Variants in RAPGEF6 observed in about 807,000 individuals in gnomAD.
The protein encoded by RAPGEF6 is Rap guanine nucleotide exchange factor 6.
Under a neutral mutation model 171.4 loss-of-function variants are expected in RAPGEF6, and 56 were observed. The ratio of observed to expected loss-of-function variants is 0.33; its 90% CI spans 0.26 to 0.41. The LOEUF is 0.41. Ranked by LOEUF, RAPGEF6 falls within the 10% of genes least tolerant of loss-of-function variation. The pLI is 1.00. For synonymous variants in RAPGEF6, 692 were observed against 650.1 expected (o/e 1.06, Z -0.98); for missense variants, 1,674 against 1,921.4 (o/e 0.87, Z 2.41).
intron 3 of RAPGEF6, among the ~76,000 whole-genome samples, chr5:131,600,929 A>G (rs1439528225): frequency 6.6e-6 from 1 of 152,038 alleles, no homozygotes; most frequent in East Asian, 1.9e-4. Context: ...ACAAGTTGAG[A>G]AAGGAATTAC....
At chr5:131,472,505 T>C (rs31241) in intron 17 of RAPGEF6, 82 bp downstream of exon 17, 1,080,908 of 1,474,716 alleles carry the variant, frequency 0.73, 403,356 homozygotes, top group Non-Finnish European at 0.78. Context: ...CAAGTAACTC[T>C]AGCACTTGCT....
rs755182124 is a variant in RAPGEF6, at chr5:131,521,399, A to G, written c.618T>C (p.Asp206=). The G allele has an allele frequency of 6.2e-7, 1 of 1,607,196 alleles. No homozygotes were observed. Reference sequence around the variant, plus strand: ...ATTCCTAAGGTATTACCTGATAGATATCAGATAAACTGCTGCTTCCAGAGT... The same window carrying G: ...ATTCCTAAGGTATTACCTGATAGATGTCAGATAAACTGCTGCTTCCAGAGT... ...ASDSGSSSLS[D]IYQATESEVG... Residue 206 remains aspartate, a synonymous_variant, in exon 7 of 28, where the codon GAT becomes GAC. Coordinates refer to ENST00000509018, the MANE Select transcript of RAPGEF6 (RefSeq NM_016340.6).
chr5:131,470,768 T>G (rs1754684646), intron 17 of RAPGEF6, among the ~76,000 whole-genome samples: 1 of 152,074 alleles, frequency 6.6e-6, no homozygotes, highest in African/African-American at 2.4e-5. Context: ...GTTTCCCAGA[T>G]GAGGTAACAC....
chr5:131,615,781 A>T (rs1476766148), intron 1 of RAPGEF6, among the ~76,000 whole-genome samples: 1 of 152,166 alleles, frequency 6.6e-6, no homozygotes, highest in Non-Finnish European at 1.5e-5. Context: ...GCACACCTGT[A>T]GTCCCAGCTA....
At chr5:131,468,331 C>CAA (rs397760383) in intron 17 of RAPGEF6, among the ~76,000 whole-genome samples, 102 of 44,602 alleles carry the variant, frequency 2.3e-3, no homozygotes, top group Non-Finnish European at 2.8e-3. Flanking sequence ...GACTCCATCT[C>CAA]AAAAAAAAAA....
In RAPGEF6 at chr5:131,604,623, C is replaced by T. The variant is rs1197380681; in HGVS notation, c.140G>A (p.Arg47Lys). The T allele has an allele frequency of 6.2e-7, 1 of 1,611,518 alleles. No individual in the cohort carries two copies. Among genetic ancestry groups the T allele is most frequent in the African/African-American group, 1.3e-5 (1 of 74,786 alleles). Residue 47 changes from arginine to lysine, a missense_variant and splice_region_variant, in exon 2 of 28, where the codon AGA becomes AAA. Arg to Lys is a conservative substitution (Grantham distance 26). Around this residue, in one of 3 missense-constraint regions of RAPGEF6, gnomAD observed 1,116 missense variants for 1,321.5 expected, o/e 0.84. Coordinates refer to ENST00000509018, the MANE Select transcript of RAPGEF6 (RefSeq NM_016340.6). ...CTCTTAAATACAGAACGACACTTAC[C>T]TAAGCTGATGTTCCCTGAGATTTGA... ...ILSNLREHQL[R>K]LMSARARYER...
intron 17 of RAPGEF6, chr5:131,472,263 G>A: frequency 2.9e-6 from 1 of 346,082 alleles, no homozygotes; most frequent in East Asian, 7.3e-5. Flanking sequence ...AGTAGAGATG[G>A]TGTTTCACCA....
intron 7 of RAPGEF6, among the ~76,000 whole-genome samples, chr5:131,516,832 T>C (rs192166): frequency 0.64 from 96,626 of 152,076 alleles, 32,533 homozygotes; most frequent in Non-Finnish European, 0.77. Context: ...ACTGGAATCA[T>C]TGATTTGCCT....
Position 131,472,695 on chromosome 5 carries a change from G to T in RAPGEF6, c.2131C>A (p.His711Asn). 6.2e-7 allele frequency: 1 copy of T among 1,612,482 alleles called. No homozygotes were observed. The highest frequency in any genetic ancestry group is 8.5e-7 in the Non-Finnish European group (1 of 1,178,516). ...ATTATAGCCAGACTATGCCTACAGT[G>T]CCTTGTTCCCACAATGCTGTCATCT... ...SQDDSIVGTR[H>N]CRHSLAIMPI... The change falls in exon 17 of 28, where the codon CAC becomes AAC. Residue 711 changes from histidine to asparagine, a missense_variant. By Grantham distance (68) the His-to-Asn change is moderately conservative (BLOSUM62 1). Transcript: ENST00000509018.
chr5:131,509,780 C>T (rs1757603334), intron 8 of RAPGEF6, among the ~76,000 whole-genome samples: 1 of 152,186 alleles, frequency 6.6e-6, no homozygotes, highest in South Asian at 2.1e-4. Context: ...CACAGTGATC[C>T]CTGCCTCCTG....
At chr5:131,527,850 C>G (rs1165971785) in intron 6 of RAPGEF6, among the ~76,000 whole-genome samples, 1 of 151,080 alleles carries the variant, frequency 6.6e-6, no homozygotes, top group Admixed American at 6.6e-5. Flanking sequence ...CCTGTCTCTA[C>G]TAAAAATACA....
chr5:131,570,696 A>G (rs1163844334), intron 4 of RAPGEF6, among the ~76,000 whole-genome samples: 1 of 152,202 alleles, frequency 6.6e-6, no homozygotes, highest in Admixed American at 6.5e-5. Context: ...TTAAAAAACT[A>G]TACAACATAT....
intron 1 of RAPGEF6, among the ~76,000 whole-genome samples, chr5:131,633,363 T>C (rs1404178698): frequency 6.6e-6 from 1 of 151,904 alleles, no homozygotes; most frequent in Non-Finnish European, 1.5e-5. Context: ...AATTTCAAAA[T>C]AAATAATTCT....
chr5:131,585,064 A>T (rs1296519434), intron 4 of RAPGEF6, among the ~76,000 whole-genome samples: 1 of 152,246 alleles, frequency 6.6e-6, no homozygotes, highest in Non-Finnish European at 1.5e-5. Flanking sequence ...AGTGTTCAAC[A>T]TCATTATTCA....
At chr5:131,597,665 T>C (rs1432576101) in intron 3 of RAPGEF6, among the ~76,000 whole-genome samples, 4 of 151,900 alleles carry the variant, frequency 2.6e-5, no homozygotes, top group South Asian at 2.1e-4. Flanking sequence ...GTTGATACCA[T>C]AGAAGTGGAG....
chr5:131,458,229 G>C (rs971318796), intron 19 of RAPGEF6, among the ~76,000 whole-genome samples: 1 of 152,200 alleles, frequency 6.6e-6, no homozygotes, highest in African/African-American at 2.4e-5. Flanking sequence ...AGTGGGAGGT[G>C]ACTGGGTCAT....
intron 4 of RAPGEF6, among the ~76,000 whole-genome samples, chr5:131,562,985 C>T (rs1761699141): frequency 6.6e-6 from 1 of 151,404 alleles, no homozygotes; most frequent in Admixed American, 6.6e-5. Context: ...AAAGATTTCT[C>T]AGCATATCAA....
intron 19 of RAPGEF6, among the ~76,000 whole-genome samples, chr5:131,458,565 G>T (rs923240489): frequency 6.6e-6 from 1 of 152,234 alleles, no homozygotes; most frequent in African/African-American, 2.4e-5. Context: ...AGTGTTCTTG[G>T]ATGGCAAGAG....
intron 3 of RAPGEF6, among the ~76,000 whole-genome samples, chr5:131,602,887 C>T (rs1303532929): frequency 6.6e-6 from 1 of 152,122 alleles, no homozygotes; most frequent in Non-Finnish European, 1.5e-5. Context: ...AGAACACATA[C>T]AAAAACAGAA....
Sources: allele counts gnomAD v4.1 joint callset (sites outside exome capture counted in the v4.1 genomes callset), GRCh38; gene constraint gnomAD v4.1.1; regional missense constraint gnomAD v4.1.1; transcripts MANE v1.5; gene names NCBI Gene and HGNC (gene_info 2026-07-23, HGNC 2026-07-21).